Variants in MELK observed in about 807,000 individuals in gnomAD.
The protein encoded by MELK is pEg3 kinase.
In MELK, 81 loss-of-function variants were observed where a neutral mutation model predicts 85.0. That is an observed-to-expected ratio of 0.95 (90% CI 0.80 to 1.15). The LOEUF (loss-of-function observed/expected upper bound fraction) is 1.15, where lower values mean the gene tolerates loss of function less well. Among genes scored for constraint, MELK ranks in the 50% most tolerant of loss-of-function variants. MELK has a pLI of 0.00. For missense variants in MELK, 754 were observed against 777.5 expected (o/e 0.97, Z 0.36); for synonymous variants, 252 against 265.0 (o/e 0.95, Z 0.48).
At chr9:36,631,572 CT>C (rs907919262) in intron 9 of MELK, among the ~76,000 whole-genome samples, 3 of 151,454 alleles carry the variant, frequency 2.0e-5, no homozygotes, top group African/African-American at 7.3e-5. Flanking sequence ...AGCCTGGCCT[CT>C]TTTTTTAAAA....
chr9:36,611,742 A>G (rs1002396260), intron 8 of MELK, among the ~76,000 whole-genome samples: 1 of 147,586 alleles, frequency 6.8e-6, no homozygotes, highest in East Asian at 2.0e-4. Flanking sequence ...GTGGTGCTCA[A>G]TAAATGTAGC....
At position 36,670,447 on chromosome 9, in the gene MELK, T is replaced by G. The variant is rs538881638; in HGVS notation, c.1506-551T>G. On this transcript the variant is annotated intron_variant, in intron 15 of 17. Transcript: ENST00000298048. ...ACAACATCCTTATTCATTGGAGATG[T>G]ATACTGAAGTGTTTCAGAGTAAAGT... 3.9e-5 allele frequency among the ~76,000 whole-genome samples: 6 copies of G among 152,236 alleles called. No homozygotes were observed. In the East Asian group the frequency reaches 1.2e-3, roughly 29 times the overall value.
chr9:36,620,874 A>G (rs942265025), intron 8 of MELK, among the ~76,000 whole-genome samples: 3 of 151,756 alleles, frequency 2.0e-5, no homozygotes, highest in African/African-American at 7.3e-5. Context: ...GAGATTTTGA[A>G]TCTTGATTCT....
intron 14 of MELK, among the ~76,000 whole-genome samples, chr9:36,669,064 A>G (rs1370260640): frequency 6.6e-6 from 1 of 152,246 alleles, no homozygotes; most frequent in Non-Finnish European, 1.5e-5. Context: ...AATTAAAAGC[A>G]TGGCCTAAAT....
intron 4 of MELK, 85 bp from the exon 5 acceptor site, chr9:36,594,543 G>T: frequency 6.8e-7 from 1 of 1,465,318 alleles, no homozygotes; most frequent in Non-Finnish European, 9.3e-7. Flanking sequence ...TAATATCTCT[G>T]AGTTAAGTGT....
intron 12 of MELK, among the ~76,000 whole-genome samples, chr9:36,655,833 C>T (rs2137419671): frequency 6.6e-6 from 1 of 152,160 alleles, no homozygotes; most frequent in Non-Finnish European, 1.5e-5. Flanking sequence ...CTCTGTCATC[C>T]TTGGTTGAGA....
intron 8 of MELK, among the ~76,000 whole-genome samples, chr9:36,617,143 C>T (rs1826914085): frequency 6.6e-6 from 1 of 151,990 alleles, no homozygotes; most frequent in Non-Finnish European, 1.5e-5. Context: ...TAGATATTGC[C>T]AAATTGCTTC....
rs1355551275 is a variant in MELK at position 36,677,453 on chromosome 9, G to C, written c.*116G>C. The C allele has an allele frequency of 5.6e-6, 5 of 899,510 alleles. No homozygotes were observed. The highest frequency in any genetic ancestry group is 6.3e-6 in the Non-Finnish European group (4 of 629,956). The allele number at this position is 899,510 out of a possible 1,614,324, so 55.7% of individuals were successfully genotyped here. A position where few individuals can be genotyped will look rare whatever the true frequency, so the allele number is the denominator to read the frequency against. On this transcript the variant is annotated 3_prime_UTR_variant, in exon 18 of 18. Coordinates refer to ENST00000298048, the MANE Select transcript of MELK (RefSeq NM_014791.4). ...GGAACTACCAACTTGTTTCTAAAGA[G>C]CTATCTTAAGACCAATATCTCTTTG...
chr9:36,585,489 T>A (rs1822798958), intron 3 of MELK, among the ~76,000 whole-genome samples: 1 of 151,956 alleles, frequency 6.6e-6, no homozygotes, highest in East Asian at 1.9e-4. Flanking sequence ...GTATTTTCAG[T>A]AGAGACAGGA....
intron 1 of MELK, among the ~76,000 whole-genome samples, chr9:36,578,584 A>G (rs1821881374): frequency 6.6e-6 from 1 of 152,214 alleles, no homozygotes; most frequent in African/African-American, 2.4e-5. Context: ...GGGCCTGAGG[A>G]TGTCATTGAA....
intron 8 of MELK, among the ~76,000 whole-genome samples, chr9:36,617,244 G>C (rs1167784953): frequency 6.6e-6 from 1 of 151,966 alleles, no homozygotes; most frequent in Non-Finnish European, 1.5e-5. Context: ...GTGTATCACT[G>C]TTTTTGATTG....
Position 36,606,467 on chromosome 9 carries a change from G to GTA in MELK, c.568-1099_568-1098dup, listed in dbSNP as rs200382959. 4.8e-4 allele frequency among the ~76,000 whole-genome samples: 47 copies of GTA among 97,054 alleles called. 8 individuals are homozygous for GTA. The highest frequency in any genetic ancestry group is 2.7e-3 in the African/African-American group (36 of 13,234). The allele number at this position is 97,054 out of a possible 152,430, so 63.7% of individuals were successfully genotyped here. A position where few individuals can be genotyped will look rare whatever the true frequency, so the allele number is the denominator to read the frequency against. ...ATAATATATACATATGTATAGGTGT[G>GTA]TATATATATACATATGTATAGGTGT... On this transcript the variant is annotated intron_variant, in intron 7 of 17. Transcript: ENST00000298048.
intron 17 of MELK, among the ~76,000 whole-genome samples, chr9:36,676,937 C>A (rs1833402286): frequency 6.6e-6 from 1 of 152,112 alleles, no homozygotes. Context: ...TGTAATAAAG[C>A]CTTTTCATGC....
At chr9:36,582,522 CAT>C (rs1554713430) in intron 2 of MELK, among the ~76,000 whole-genome samples, 2 of 151,860 alleles carry the variant, frequency 1.3e-5, no homozygotes, top group African/African-American at 2.4e-5. Context: ...TTTACACACA[CAT>C]ATGTACACAC....
intron 8 of MELK, among the ~76,000 whole-genome samples, chr9:36,629,256 GTTATC>G (rs796801498): frequency 6.6e-5 from 10 of 152,270 alleles, no homozygotes; most frequent in African/African-American, 2.4e-4. Context: ...TAATTAACCT[GTTATC>G]TTAGCATCAT....
intron 8 of MELK, among the ~76,000 whole-genome samples, chr9:36,619,419 G>A (rs75159229): frequency 7.9e-5 from 12 of 152,138 alleles, no homozygotes; most frequent in Non-Finnish European, 1.6e-4. Context: ...GAGTATAACT[G>A]GGGCTAGGAT....
intron 17 of MELK, among the ~76,000 whole-genome samples, chr9:36,676,412 A>G (rs977299950): frequency 6.6e-6 from 1 of 152,214 alleles, no homozygotes; most frequent in African/African-American, 2.4e-5. Flanking sequence ...TAGAATGTAA[A>G]CTAATTAAAT....
At chr9:36,660,947 C>T (rs1193989489) in intron 13 of MELK, among the ~76,000 whole-genome samples, 1 of 152,074 alleles carries the variant, frequency 6.6e-6, no homozygotes, top group Non-Finnish European at 1.5e-5. Context: ...GCTGAGTTCA[C>T]GCCATTACAC....
chr9:36,615,518 C>G (rs961722583), intron 8 of MELK, among the ~76,000 whole-genome samples: 6 of 134,408 alleles, frequency 4.5e-5, no homozygotes, highest in Non-Finnish European at 9.8e-5. Flanking sequence ...CCCTCCCGGA[C>G]GGGGTGGCTG....
Sources: gnomAD v4.1 joint callset for allele counts (sites outside exome capture counted in the v4.1 genomes callset) on GRCh38, gnomAD v4.1.1 for gene constraint, MANE v1.5 for transcripts, NCBI Gene and HGNC (gene_info 2026-07-23, HGNC 2026-07-21) for gene names.